MRTFA: variants seen among roughly 807,000 people sequenced by gnomAD.
MRTFA encodes the protein myocardin related transcription factor A, also known as myocardin-related transcription factor A.
Under a neutral mutation model 83.5 loss-of-function variants are expected in MRTFA, and 20 were observed. That is an observed-to-expected ratio of 0.24 (90% CI 0.17 to 0.35). The LOEUF is 0.35. Ranked by LOEUF, MRTFA falls within the 10% of genes least tolerant of loss-of-function variation. MRTFA has a pLI of 1.00. For missense variants in MRTFA, 1,200 were observed against 1,224.7 expected, an observed-to-expected ratio of 0.98 and a Z score of 0.30; for synonymous variants, 659 against 541.2, an observed-to-expected ratio of 1.22 and a Z score of -3.02.
At chr22:40,547,519 G>A (rs560112865) in intron 3 of MRTFA, among the ~76,000 whole-genome samples, 6 of 152,248 alleles carry the variant, frequency 3.9e-5, no homozygotes, top group African/African-American at 1.4e-4. Context: ...ATAGCAAGAA[G>A]TCAGTGTGCC....
intron 3 of MRTFA, among the ~76,000 whole-genome samples, chr22:40,536,413 C>A (rs868050743): frequency 0.012 from 1,741 of 149,808 alleles, 9 homozygotes; most frequent in Middle Eastern, 0.017. Context: ...GAGCGCCGCC[C>A]GGGAGGCAGC....
At position 40,470,310 on chromosome 22, in the gene MRTFA, T is replaced by C. The variant is rs1373794711; in HGVS notation, c.242-7024A>G. Among the ~76,000 whole-genome samples, 9 of 112,790 alleles carry C rather than the reference T, an allele frequency of 8.0e-5. No homozygotes were observed. In the Admixed American group the frequency reaches 8.2e-4, roughly 10 times the overall value. The allele number at this position is 112,790 out of a possible 152,430, so 74.0% of individuals were successfully genotyped here. A position where few individuals can be genotyped will look rare whatever the true frequency, so the allele number is the denominator to read the frequency against. On this transcript the variant is annotated intron_variant, in intron 3 of 14. Coordinates refer to ENST00000355630, the MANE Select transcript of MRTFA (RefSeq NM_020831.6). Reference sequence around the variant, plus strand: ...AAACATAATAAAGAGCAAAAGAAAATTTGGGAAATTCATAAATATGCAGAA... The same window carrying C: ...AAACATAATAAAGAGCAAAAGAAAACTTGGGAAATTCATAAATATGCAGAA...
intron 2 of MRTFA, among the ~76,000 whole-genome samples, chr22:40,570,347 G>A (rs564510542): frequency 8.9e-4 from 135 of 151,908 alleles, no homozygotes; most frequent in African/African-American, 2.8e-3. Flanking sequence ...AGGCCGAGGC[G>A]GGTGGATCAC....
At chr22:40,607,974 T>C (rs1234830226) in intron 1 of MRTFA, among the ~76,000 whole-genome samples, 1 of 152,180 alleles carries the variant, frequency 6.6e-6, no homozygotes, top group African/African-American at 2.4e-5. Context: ...GTTAATACAG[T>C]AACAACTGTA....
intron 1 of MRTFA, among the ~76,000 whole-genome samples, chr22:40,611,404 T>C (rs148511113): frequency 1.3e-4 from 19 of 150,018 alleles, no homozygotes; most frequent in Non-Finnish European, 1.5e-5. Context: ...ACATCCAGCT[T>C]TTTTTTTTAA....
intron 2 of MRTFA, among the ~76,000 whole-genome samples, chr22:40,585,455 G>C (rs868847911): frequency 6.6e-6 from 1 of 152,058 alleles, no homozygotes; most frequent in South Asian, 2.1e-4. Context: ...TAGAGTTTCC[G>C]TTTCACAAGC....
chr22:40,550,381 CT>C (rs1032789716), intron 3 of MRTFA, among the ~76,000 whole-genome samples: 7 of 151,920 alleles, frequency 4.6e-5, no homozygotes, highest in African/African-American at 1.7e-4. Context: ...GACAGAAAGA[CT>C]AATTATTAGG....
At chr22:40,616,330 C>G (rs1169580423) in intron 1 of MRTFA, among the ~76,000 whole-genome samples, 1 of 152,094 alleles carries the variant, frequency 6.6e-6, no homozygotes, top group East Asian at 1.9e-4. Context: ...CTACAGAGAG[C>G]AAAAGGCTTG....
chr22:40,441,647 C>T (rs570089464), intron 4 of MRTFA, among the ~76,000 whole-genome samples: 6 of 152,010 alleles, frequency 3.9e-5, no homozygotes, highest in Admixed American at 1.3e-4. Context: ...ATTAGCTGGG[C>T]GTGGTGGTGC....
rs767075067 is a variant in MRTFA at position 40,418,551 on chromosome 22, C to T, written c.2187G>A (p.Gln729=). 1.5e-5 allele frequency: 24 copies of T among 1,575,106 alleles called. No homozygotes were observed. The highest frequency in any genetic ancestry group is 4.0e-5 in the Admixed American group (2 of 50,586). ...GGGCGGGGACCGGCTCGGGCTCAGG[C>T]TGCAAGGCTTCCTGCTTCACCACCA... The change falls in exon 12 of 15, where the codon CAG becomes CAA. Residue 729 remains glutamine, a synonymous_variant. Coordinates refer to ENST00000355630, the MANE Select transcript of MRTFA (RefSeq NM_020831.6).
intron 3 of MRTFA, among the ~76,000 whole-genome samples, chr22:40,484,699 C>A (rs1034149337): frequency 6.6e-6 from 1 of 152,080 alleles, no homozygotes; most frequent in African/African-American, 2.4e-5. Flanking sequence ...AAACAATTTC[C>A]ATATATTTCC....
At chr22:40,631,427 C>A (rs2056640721) in intron 1 of MRTFA, among the ~76,000 whole-genome samples, 1 of 152,094 alleles carries the variant, frequency 6.6e-6, no homozygotes, top group South Asian at 2.1e-4. Flanking sequence ...CCATTTTTAT[C>A]CCCATTTTAC....
rs373831298 is a variant in MRTFA at position 40,429,809 on chromosome 22, G to A, written c.440-42C>T. The A allele has an allele frequency of 5.8e-5, 90 of 1,559,968 alleles. 1 individual carries two copies. The Middle Eastern group carries it at 2.4e-3, about 42-fold the overall frequency. ...AAGGGGTGCAGGAAGATATATGAGT[G>A]GACGTGGTTCTGCCCCGGGAACTCC... On this transcript the variant is annotated intron_variant, in intron 6 of 14. Transcript: ENST00000355630.
At chr22:40,514,264 ATAAT>A (rs946407863) in intron 3 of MRTFA, among the ~76,000 whole-genome samples, 4 of 151,924 alleles carry the variant, frequency 2.6e-5, no homozygotes, top group African/African-American at 9.7e-5. Context: ...AAATAAATAC[ATAAT>A]TAAATAAATA....
intron 3 of MRTFA, chr22:40,523,635 C>T (rs898576439): frequency 1.8e-4 from 28 of 152,320 alleles, no homozygotes; most frequent in African/African-American, 4.3e-4. Context: ...CCACTGCACC[C>T]GGCAAATAAT....
At chr22:40,422,851 G>C (rs1434661505) in intron 9 of MRTFA, among the ~76,000 whole-genome samples, 1 of 152,256 alleles carries the variant, frequency 6.6e-6, no homozygotes, top group Non-Finnish European at 1.5e-5. Flanking sequence ...CACAGGGTCT[G>C]TGTGAGGAGA....
intron 2 of MRTFA, among the ~76,000 whole-genome samples, chr22:40,592,184 T>A (rs1368639814): frequency 6.6e-6 from 1 of 151,564 alleles, no homozygotes; most frequent in Non-Finnish European, 1.5e-5. Flanking sequence ...ATCCCAACAC[T>A]TTGGGAGGCC....
At chr22:40,433,664 G>A (rs1218533037) in intron 5 of MRTFA, 2 of 152,244 alleles carry the variant, frequency 1.3e-5, no homozygotes, top group African/African-American at 4.8e-5. Flanking sequence ...AACTTCTCTT[G>A]AATACGAGCT....
At position 40,600,009 on chromosome 22, in the gene MRTFA, C is replaced by CAAA. The variant is rs34183268; in HGVS notation, c.-83-5277_-83-5275dup. On this transcript the variant is annotated intron_variant, in intron 1 of 14. Transcript: ENST00000355630. The stretch of plus-strand genomic sequence containing the variant: ...AAATCAATTTAGAGGTTTGACTTAT[C>CAAA]AAAAAAAAAAAAAGCAGAGGGAAAA... 7.3e-4 allele frequency among the ~76,000 whole-genome samples: 89 copies of CAAA among 121,574 alleles called. 1 individual carries two copies. Among genetic ancestry groups the CAAA allele is most frequent in the East Asian group, 3.1e-3 (14 of 4,588 alleles). 79.8% of individuals were successfully genotyped at this position (121,574 alleles called of 152,430 possible).
Sources: allele counts gnomAD v4.1 joint callset (sites outside exome capture counted in the v4.1 genomes callset), GRCh38; gene constraint gnomAD v4.1.1; transcripts MANE v1.5; gene names NCBI Gene and HGNC (gene_info 2026-07-23, HGNC 2026-07-21).